CCDC122: variants seen among roughly 807,000 people sequenced by gnomAD.
CCDC122 encodes coiled-coil domain containing 122, also known as coiled-coil domain-containing protein 122.
CCDC122 carries 38 observed loss-of-function variants against 37.0 expected under a neutral mutation model. The observed-to-expected ratio is 1.03, with a 90% CI of 0.79 to 1.35. The LOEUF (loss-of-function observed/expected upper bound fraction) is 1.35. Among genes scored for constraint, CCDC122 ranks in the 40% most tolerant of loss-of-function variants. CCDC122 has a pLI of 0.00. For missense variants in CCDC122, 305 were observed against 310.0 expected, an observed-to-expected ratio of 0.98 and a Z score of 0.12; for synonymous variants, 83 against 95.6, an observed-to-expected ratio of 0.87 and a Z score of 0.77.
rs1444242204 is a variant in CCDC122, at chr13:43,879,717, C to T, written c.-286G>A. ...CCTGGGACGGTATCAGGCGGGGAATCTGTGCGGCCGCGGCGAGGTAGGTGA... is the reference window on the plus strand; with the variant it reads ...CCTGGGACGGTATCAGGCGGGGAATTTGTGCGGCCGCGGCGAGGTAGGTGA... On this transcript the variant is annotated 5_prime_UTR_variant, in exon 1 of 7. Transcript: ENST00000444614. 2 of 133,744 alleles carry T rather than the reference C, an allele frequency of 1.5e-5. No homozygotes were observed. The highest frequency in any genetic ancestry group is 5.4e-5 in the African/African-American group (2 of 36,782). The allele number at this position is 133,744 out of a possible 1,614,324, so 8.3% of individuals were successfully genotyped here. A position where few individuals can be genotyped will look rare whatever the true frequency, so the allele number is the denominator to read the frequency against.
chr13:43,873,143 T>C (rs1422206035), intron 2 of CCDC122, among the ~76,000 whole-genome samples: 3 of 152,118 alleles, frequency 2.0e-5, no homozygotes, highest in Non-Finnish European at 4.4e-5. Flanking sequence ...CTCCTAGTGC[T>C]CGGTCCTCAG....
At chr13:43,869,666 T>G (rs1266000447) in intron 2 of CCDC122, among the ~76,000 whole-genome samples, 177 bp from the exon 3 acceptor site, 1 of 152,094 alleles carries the variant, frequency 6.6e-6, no homozygotes, top group East Asian at 1.9e-4. Context: ...CTTAACTTCT[T>G]TGATCTTCAG....
At chr13:43,873,412 T>G (rs1954507352) in intron 2 of CCDC122, among the ~76,000 whole-genome samples, 1 of 152,146 alleles carries the variant, frequency 6.6e-6, no homozygotes, top group South Asian at 2.1e-4. Flanking sequence ...TTCATAGTCT[T>G]CTCTATCTCA....
intron 3 of CCDC122, among the ~76,000 whole-genome samples, chr13:43,869,127 A>G (rs1192064344): frequency 6.6e-6 from 1 of 152,016 alleles, no homozygotes; most frequent in Admixed American, 6.6e-5. Flanking sequence ...CTCTATAGCA[A>G]TTAGAGTTGA....
At chr13:43,869,556 G>A (rs1954382732) in intron 2 of CCDC122, 67 bp from the exon 3 acceptor site, 2 of 539,318 alleles carry the variant, frequency 3.7e-6, no homozygotes, top group Non-Finnish European at 6.4e-6. Context: ...TTAGTGCCAA[G>A]AATTAGAATA....
At chr13:43,837,483 A>G in intron 6 of CCDC122, 54 bp from the exon 7 acceptor site, 3 of 1,496,048 alleles carry the variant, frequency 2.0e-6, no homozygotes, top group Non-Finnish European at 2.7e-6. Context: ...AATAGTAAAC[A>G]GCCATAAATA....
At chr13:43,843,212 CT>C (rs1953414739) in intron 6 of CCDC122, among the ~76,000 whole-genome samples, 1 of 151,882 alleles carries the variant, frequency 6.6e-6, no homozygotes, top group African/African-American at 2.4e-5. Flanking sequence ...TCCTTCTATT[CT>C]TAATTTGCTG....
chr13:43,876,141 T>C (rs1954604219), intron 1 of CCDC122, among the ~76,000 whole-genome samples: 1 of 152,196 alleles, frequency 6.6e-6, no homozygotes, highest in South Asian at 2.1e-4. Context: ...CTCAGTTTCA[T>C]CATCTGGCCT....
intron 2 of CCDC122, among the ~76,000 whole-genome samples, chr13:43,873,064 C>G (rs984432735): frequency 1.3e-5 from 2 of 152,132 alleles, no homozygotes; most frequent in Non-Finnish European, 2.9e-5. Flanking sequence ...TAATTACTGC[C>G]TTCTTGAAAT....
At chr13:43,828,555 T>TACACACACAC (rs56901535) in intron 3 of CCDC122, among the ~76,000 whole-genome samples, 10 of 146,244 alleles carry the variant, frequency 6.8e-5, no homozygotes, top group African/African-American at 2.0e-4. Flanking sequence ...TATAGACAGA[T>TACACACACAC]ACACACACAC....
At chr13:43,873,794 T>C (rs1954521845) in intron 2 of CCDC122, among the ~76,000 whole-genome samples, 1 of 152,176 alleles carries the variant, frequency 6.6e-6, no homozygotes, top group South Asian at 2.1e-4. Context: ...TCTTTCACCC[T>C]TGCCCTGCCT....
downstream of CCDC122, among the ~76,000 whole-genome samples, chr13:43,834,310 A>T (rs1953119072): frequency 6.6e-6 from 1 of 152,242 alleles, no homozygotes; most frequent in Non-Finnish European, 1.5e-5. Flanking sequence ...AAACTAATTC[A>T]AGATGGATTA....
intron 5 of CCDC122, among the ~76,000 whole-genome samples, chr13:43,859,141 G>A (rs916666507): frequency 1.3e-5 from 2 of 152,114 alleles, no homozygotes; most frequent in African/African-American, 4.8e-5. Flanking sequence ...GGTAGTTATG[G>A]TGGCAACTGC....
intron 6 of CCDC122, among the ~76,000 whole-genome samples, chr13:43,851,522 C>T (rs1305051594): frequency 6.6e-6 from 1 of 152,178 alleles, no homozygotes; most frequent in East Asian, 1.9e-4. Flanking sequence ...CCTGTCTCCC[C>T]CTAACTACAC....
chr13:43,859,041 C>A, intron 5 of CCDC122, 144 bp from the exon 6 acceptor site: 3 of 555,606 alleles, frequency 5.4e-6, no homozygotes, highest in Non-Finnish European at 2.7e-6. Flanking sequence ...TACTTCTATA[C>A]GTATACAAAA....
intron 4 of CCDC122, among the ~76,000 whole-genome samples, chr13:43,860,894 T>C (rs530704015): frequency 5.9e-5 from 9 of 152,206 alleles, no homozygotes; most frequent in Non-Finnish European, 1.2e-4. Flanking sequence ...ATGAATCCTT[T>C]CTACAACCTC....
chr13:43,862,863 T>C (rs1954154536), intron 4 of CCDC122, among the ~76,000 whole-genome samples: 1 of 152,176 alleles, frequency 6.6e-6, no homozygotes, highest in South Asian at 2.1e-4. Context: ...ATTTTTCTTA[T>C]TGGCTTTAGT....
chr13:43,850,287 C>T (rs1953679992), intron 6 of CCDC122, among the ~76,000 whole-genome samples: 1 of 152,212 alleles, frequency 6.6e-6, no homozygotes, highest in South Asian at 2.1e-4. Context: ...AAAAATGGCT[C>T]ATAACACCAA....
chr13:43,821,543 G>C (rs908917234), downstream of CCDC122, among the ~76,000 whole-genome samples: 4 of 152,138 alleles, frequency 2.6e-5, no homozygotes, highest in African/African-American at 9.7e-5. Flanking sequence ...GATTTGATAA[G>C]TTCTCTGCTC....
Sources: gnomAD v4.1 joint callset for allele counts (sites outside exome capture counted in the v4.1 genomes callset) on GRCh38, gnomAD v4.1.1 for gene constraint, MANE v1.5 for transcripts, NCBI Gene and HGNC (gene_info 2026-07-23, HGNC 2026-07-21) for gene names.